Variants in GRAMD1B observed in about 807,000 individuals in gnomAD.
The protein encoded by GRAMD1B is GRAM domain containing 1B, also known as protein Aster-B.
In GRAMD1B, 37 loss-of-function variants were observed where a neutral mutation model predicts 99.7. That is an observed-to-expected ratio of 0.37 (90% CI 0.29 to 0.49). The LOEUF is 0.49. Ranked by LOEUF, GRAMD1B falls within the 20% of genes least tolerant of loss-of-function variation. The pLI, the probability that GRAMD1B is intolerant of heterozygous loss-of-function variation, is 0.98. For missense variants in GRAMD1B, 888 were observed against 1,009.2 expected (o/e 0.88, Z 1.63); for synonymous variants, 427 against 387.6 (o/e 1.10, Z -1.19).
chr11:123,381,141 C>A (rs1190339424), intron 1 of GRAMD1B, among the ~76,000 whole-genome samples: 1 of 152,136 alleles, frequency 6.6e-6, no homozygotes, highest in Admixed American at 6.5e-5. Flanking sequence ...CGCCAACTCC[C>A]TCTCCAACTC....
intron 5 of GRAMD1B, 56 bp from the exon 6 acceptor site, chr11:123,594,679 G>A: frequency 1.1e-6 from 1 of 875,396 alleles, no homozygotes; most frequent in Non-Finnish European, 2.0e-6. Context: ...ACTCTGCAGT[G>A]GTTTGCCGAA....
chr11:123,410,860 T>G (rs1372890242), intron 1 of GRAMD1B, among the ~76,000 whole-genome samples: 4 of 152,144 alleles, frequency 2.6e-5, no homozygotes, highest in African/African-American at 4.8e-5. Context: ...AAGCTTTATT[T>G]TATTTATTTA....
At chr11:123,608,539 C>G (rs751139979) in intron 11 of GRAMD1B, 120 bp from the exon 12 acceptor site, 1 of 1,544,724 alleles carries the variant, frequency 6.5e-7, no homozygotes, top group Non-Finnish European at 8.7e-7. Flanking sequence ...CGTGTCCTCT[C>G]CATACCCTTG....
At position 123,430,772 on chromosome 11, in the gene GRAMD1B, A is replaced by C. The variant is rs1948839442; in HGVS notation, c.-21A>C. 4 of 653,868 alleles carry C rather than the reference A, an allele frequency of 6.1e-6. No homozygotes were observed. The South Asian group carries it at 6.8e-5, about 11-fold the overall frequency. 40.5% of individuals were successfully genotyped at this position (653,868 alleles called of 1,614,324 possible). On this transcript the variant is annotated 5_prime_UTR_variant, in exon 1 of 20. Coordinates refer to ENST00000635736, the MANE Select transcript of GRAMD1B (RefSeq NM_001387025.1). ...GGCCGCTGGCGGAGGGCTCAGGGGG[A>C]GCGCAGAGGCGACGGCCCCCATGCC...
Position 123,610,243 on chromosome 11 carries a change from C to G in GRAMD1B, c.1824C>G (p.Ala608=). The change falls in exon 14 of 20, where the codon GCC becomes GCG. Residue 608 remains alanine (A), a synonymous_variant. Transcript: ENST00000635736. The surrounding 1 kb of genome is among the most constrained non-coding windows in gnomAD (Gnocchi z 4.1). ...SQESECYVID[A]EVLTHDVPYH... ...AGAGTGAATGTTACGTGATAGATGCCGAAGTCCTCACCCACGACGTGCCCT... is the reference window on the plus strand; with the variant it reads ...AGAGTGAATGTTACGTGATAGATGCGGAAGTCCTCACCCACGACGTGCCCT... 1.2e-6 allele frequency: 2 copies of G among 1,613,652 alleles called. No homozygotes were observed. The highest frequency in any genetic ancestry group is 1.7e-6 in the Non-Finnish European group (2 of 1,179,636).
At chr11:123,405,502 G>A (rs560976341) in intron 1 of GRAMD1B, among the ~76,000 whole-genome samples, 90 of 152,328 alleles carry the variant, frequency 5.9e-4, no homozygotes, top group African/African-American at 2.1e-3. Flanking sequence ...GTCAAGGACG[G>A]GCACAAGGCT....
chr11:123,614,986 C>A, intron 17 of GRAMD1B, 151 bp downstream of exon 17: 1 of 544,914 alleles, frequency 1.8e-6, no homozygotes. Context: ...GGATTGGTTG[C>A]TCTGCCTGTT....
At chr11:123,400,939 C>T (rs1565474864) in intron 1 of GRAMD1B, among the ~76,000 whole-genome samples, 2 of 152,122 alleles carry the variant, frequency 1.3e-5, no homozygotes, top group African/African-American at 2.4e-5. Context: ...AACAACTTCT[C>T]CAAGTTTATT....
At chr11:123,612,091 CT>C (rs933742922) in intron 14 of GRAMD1B, among the ~76,000 whole-genome samples, 17 of 147,454 alleles carry the variant, frequency 1.2e-4, no homozygotes, top group Admixed American at 2.0e-4. Context: ...AGATGATATT[CT>C]TTTTTTTTTT....
chr11:123,457,136 A>AGAAAGAAAGAAAGAAAGAAAGAAAGAAT (rs1469694489), intron 1 of GRAMD1B, among the ~76,000 whole-genome samples: 62 of 149,038 alleles, frequency 4.2e-4, no homozygotes, highest in African/African-American at 7.6e-4. Context: ...AAAGAAAGAA[A>AGAAAGAAAGAAAGAAAGAAAGAAAGAAT]GAATTAGAAC....
At chr11:123,499,585 T>G (rs1939646221) in intron 2 of GRAMD1B, among the ~76,000 whole-genome samples, 1 of 152,188 alleles carries the variant, frequency 6.6e-6, no homozygotes, top group African/African-American at 2.4e-5. Context: ...TCTTTTCTTA[T>G]CCTCAGGCAT....
At chr11:123,432,476 G>A (rs1278775358) in intron 1 of GRAMD1B, among the ~76,000 whole-genome samples, 1 of 150,860 alleles carries the variant, frequency 6.6e-6, no homozygotes, top group Non-Finnish European at 1.5e-5. Context: ...AGAATCGCTT[G>A]AACCTGGGTA....
At chr11:123,593,125 G>A (rs1378530178) in intron 4 of GRAMD1B, among the ~76,000 whole-genome samples, 1 of 151,998 alleles carries the variant, frequency 6.6e-6, no homozygotes, top group Non-Finnish European at 1.5e-5. Context: ...CCAGCTACTC[G>A]GGAGGCTGAG....
chr11:123,485,752 T>C (rs182291536), intron 2 of GRAMD1B, among the ~76,000 whole-genome samples: 1 of 151,448 alleles, frequency 6.6e-6, no homozygotes, highest in African/African-American at 2.4e-5. Context: ...AATCTTGCTC[T>C]GTTACCCAGG....
chr11:123,472,311 A>G (rs1951056142), intron 1 of GRAMD1B, among the ~76,000 whole-genome samples: 1 of 152,106 alleles, frequency 6.6e-6, no homozygotes, highest in South Asian at 2.1e-4. Flanking sequence ...GGGCATGTTC[A>G]GAGGTGAACT....
intron 2 of GRAMD1B, chr11:123,559,692 G>T: frequency 3.0e-6 from 3 of 985,106 alleles, no homozygotes; most frequent in Non-Finnish European, 3.6e-6. Flanking sequence ...TGCCACGAAT[G>T]TAAGTGCTTT....
At position 123,391,576 on chromosome 11, in the gene GRAMD1B, C is replaced by T. The variant is rs946296157; in HGVS notation, c.-176+32777C>T. Reference sequence around the variant, plus strand: ...GGTTCAAGCAATTCTCCTGCCTCAGCCTCCCAAGTAGCTGGGATTACAGGT... The same window carrying T: ...GGTTCAAGCAATTCTCCTGCCTCAGTCTCCCAAGTAGCTGGGATTACAGGT... On this transcript the variant is annotated intron_variant, in intron 1 of 20. Transcript: ENST00000638157. Among the ~76,000 whole-genome samples the T allele has an allele frequency of 3.3e-5, 5 of 152,168 alleles. No homozygotes were observed. In the East Asian group the frequency reaches 9.7e-4, roughly 29 times the overall value.
intron 14 of GRAMD1B, among the ~76,000 whole-genome samples, chr11:123,611,385 G>A (rs1460964309): frequency 6.6e-6 from 1 of 152,160 alleles, no homozygotes; most frequent in Non-Finnish European, 1.5e-5. Flanking sequence ...AATGAGCTAT[G>A]ATTGCACAAC....
At chr11:123,474,022 C>G (rs1440451165) in intron 1 of GRAMD1B, among the ~76,000 whole-genome samples, 1 of 152,188 alleles carries the variant, frequency 6.6e-6, no homozygotes. Flanking sequence ...AAACCCAGCT[C>G]TCTCTTCTGT....
Sources: allele counts gnomAD v4.1 joint callset (sites outside exome capture counted in the v4.1 genomes callset), GRCh38; gene constraint gnomAD v4.1.1; non-coding constraint Gnocchi (gnomAD v3.1); transcripts MANE v1.5; gene names NCBI Gene and HGNC (gene_info 2026-07-23, HGNC 2026-07-21).